Variants in PDE10A observed in about 807,000 individuals in gnomAD.
PDE10A encodes cAMP and cAMP-inhibited cGMP 3',5'-cyclic phosphodiesterase 10A.
Under a neutral mutation model 97.7 loss-of-function variants are expected in PDE10A, and 39 were observed. The observed-to-expected ratio is 0.40, with a 90% CI of 0.31 to 0.52. The LOEUF (loss-of-function observed/expected upper bound fraction) is 0.52, where lower values mean the gene tolerates loss of function less well. Among genes scored for constraint, PDE10A ranks in the 20% least tolerant of loss-of-function variants. PDE10A has a pLI of 0.56. For synonymous variants in PDE10A, 371 were observed against 376.8 expected (o/e 0.98, Z 0.18); for missense variants, 731 against 1,047.8 (o/e 0.70, Z 4.17).
At chr6:165,472,745 A>G (rs1779087659) in intron 3 of PDE10A, among the ~76,000 whole-genome samples, 1 of 152,282 alleles carries the variant, frequency 6.6e-6, no homozygotes, top group Middle Eastern at 3.4e-3. Flanking sequence ...AGAAATAGAG[A>G]TGCATTCTGG....
At chr6:165,678,992 T>C (rs1224244305) in intron 1 of PDE10A, among the ~76,000 whole-genome samples, 1 of 152,194 alleles carries the variant, frequency 6.6e-6, no homozygotes, top group Non-Finnish European at 1.5e-5. Context: ...AGAAAAATCA[T>C]CCCATTGATT....
chr6:165,668,760 G>A (rs1294144563), intron 1 of PDE10A, among the ~76,000 whole-genome samples: 1 of 117,154 alleles, frequency 8.5e-6, no homozygotes, highest in Admixed American at 9.1e-5. Flanking sequence ...AGAAAGGAAG[G>A]AAGGAAGGTA....
At chr6:165,538,922 C>T (rs1783257297) in intron 2 of PDE10A, among the ~76,000 whole-genome samples, 1 of 152,072 alleles carries the variant, frequency 6.6e-6, no homozygotes, top group African/African-American at 2.4e-5. Flanking sequence ...GTCAAATTTA[C>T]TTTGCATAAA....
intron 1 of PDE10A, among the ~76,000 whole-genome samples, chr6:165,918,574 T>G (rs959272614): frequency 2.0e-5 from 3 of 152,250 alleles, no homozygotes; most frequent in Admixed American, 6.5e-5. Flanking sequence ...AAACTGATTT[T>G]TGTACTTAAG....
intron 3 of PDE10A, among the ~76,000 whole-genome samples, chr6:165,451,724 C>T (rs1216248551): frequency 6.6e-6 from 1 of 152,158 alleles, no homozygotes; most frequent in African/African-American, 2.4e-5. Flanking sequence ...GGACAAATAC[C>T]ACTGACCATC....
intron 1 of PDE10A, among the ~76,000 whole-genome samples, chr6:165,964,868 G>A (rs537209200): frequency 6.6e-6 from 1 of 152,188 alleles, no homozygotes; most frequent in South Asian, 2.1e-4. Context: ...AAATCAAGGA[G>A]CACTTTATAA....
intron 1 of PDE10A, among the ~76,000 whole-genome samples, chr6:165,730,750 CAA>C (rs778744017): frequency 1.6e-5 from 2 of 122,098 alleles, no homozygotes; most frequent in Non-Finnish European, 1.6e-5. Flanking sequence ...GAGATTCCAC[CAA>C]AAAAAAAAAA....
At chr6:165,564,825 G>C (rs947316819) in intron 1 of PDE10A, among the ~76,000 whole-genome samples, 2 of 152,204 alleles carry the variant, frequency 1.3e-5, no homozygotes, top group Non-Finnish European at 2.9e-5. Context: ...TCCTGAAAGT[G>C]AGAAGTTAAC....
At chr6:165,889,362 A>C (rs998748244) in intron 1 of PDE10A, among the ~76,000 whole-genome samples, 2 of 152,172 alleles carry the variant, frequency 1.3e-5, no homozygotes, top group Admixed American at 1.3e-4. Flanking sequence ...GTTGTTTCCC[A>C]ATCTGCACTC....
intron 1 of PDE10A, among the ~76,000 whole-genome samples, chr6:165,549,690 A>C (rs73250032): frequency 0.012 from 1,766 of 152,332 alleles, 37 homozygotes; most frequent in African/African-American, 0.04. Flanking sequence ...AACTGAATGC[A>C]AATTAGGTTC....
chr6:165,404,564 G>A (rs1786957181), intron 13 of PDE10A, among the ~76,000 whole-genome samples: 1 of 151,988 alleles, frequency 6.6e-6, no homozygotes, highest in Non-Finnish European at 1.5e-5. Flanking sequence ...CCAGATCACT[G>A]AAAGCCTGGG....
chr6:165,879,586 A>G (rs896786509), intron 1 of PDE10A, among the ~76,000 whole-genome samples: 1 of 152,214 alleles, frequency 6.6e-6, no homozygotes, highest in Non-Finnish European at 1.5e-5. Flanking sequence ...GATTGGTTCC[A>G]GGACCCCCTA....
Position 165,671,573 on chromosome 6 carries a change from T to C in PDE10A, c.-614-128005A>G, listed in dbSNP as rs1218690471. Among the ~76,000 whole-genome samples, 1 of 152,198 alleles carries C rather than the reference T, an allele frequency of 6.6e-6. No individual in the cohort carries two copies. Among genetic ancestry groups the C allele is most frequent in the South Asian group, 2.1e-4 (1 of 4,828 alleles). Reference sequence around the variant, plus strand: ...GCATGACTGCACTCAAAGGACCCAATTAATTCACTTCCATCACTACTCGTA... The same window carrying C: ...GCATGACTGCACTCAAAGGACCCAACTAATTCACTTCCATCACTACTCGTA... On this transcript the variant is annotated intron_variant, in intron 1 of 19. Coordinates refer to the PDE10A transcript ENST00000366882. The surrounding 1 kb of genome is among the most constrained non-coding windows in gnomAD (Gnocchi z 4.6).
intron 18 of PDE10A, among the ~76,000 whole-genome samples, chr6:165,356,905 A>G (rs1054804533): frequency 6.6e-6 from 1 of 152,036 alleles, no homozygotes; most frequent in Non-Finnish European, 1.5e-5. Flanking sequence ...TATGCCTTTC[A>G]TTTCTATTTC....
intron 1 of PDE10A, among the ~76,000 whole-genome samples, chr6:165,927,958 A>T (rs1019686248): frequency 1.3e-4 from 20 of 150,876 alleles, no homozygotes; most frequent in African/African-American, 4.6e-4. Context: ...TCGCCTCCCA[A>T]AGTGATGGGA....
At chr6:165,962,649 A>G (rs527937842) in intron 1 of PDE10A, among the ~76,000 whole-genome samples, 3 of 152,240 alleles carry the variant, frequency 2.0e-5, no homozygotes, top group Non-Finnish European at 4.4e-5. Flanking sequence ...TGAGGACATC[A>G]GTCAGGATTT....
At chr6:165,964,813 G>T (rs1321856919) in intron 1 of PDE10A, among the ~76,000 whole-genome samples, 4 of 152,176 alleles carry the variant, frequency 2.6e-5, no homozygotes, top group Non-Finnish European at 5.9e-5. Context: ...TGATGAGAAA[G>T]GTGCATAGGG....
intron 1 of PDE10A, among the ~76,000 whole-genome samples, chr6:165,823,482 TTATATATATATATATATA>T (rs748139541): frequency 0.011 from 414 of 37,474 alleles, 15 homozygotes; most frequent in Middle Eastern, 0.045. Context: ...ATAGTTAACT[TTATATATATATATATATA>T]TATATATATA....
intron 2 of PDE10A, among the ~76,000 whole-genome samples, chr6:165,539,359 A>G (rs925860960): frequency 1.3e-5 from 2 of 152,176 alleles, no homozygotes; most frequent in East Asian, 1.9e-4. Flanking sequence ...TGTTATATAC[A>G]TTTCCCAAAA....
Sources: allele counts gnomAD v4.1 joint callset (sites outside exome capture counted in the v4.1 genomes callset), GRCh38; gene constraint gnomAD v4.1.1; non-coding constraint Gnocchi (gnomAD v3.1); transcripts MANE v1.5; gene names NCBI Gene and HGNC (gene_info 2026-07-23, HGNC 2026-07-21).